HECW1: variants seen among roughly 807,000 people sequenced by gnomAD.
HECW1 encodes HECT, C2 and WW domain containing E3 ubiquitin protein ligase 1, also known as E3 ubiquitin-protein ligase HECW1.
In HECW1, 61 loss-of-function variants were observed where a neutral mutation model predicts 182.3. The observed-to-expected ratio is 0.33, with a 90% confidence interval of 0.27 to 0.41. HECW1 has a LOEUF of 0.41. Ranked by LOEUF, HECW1 falls within the 10% of genes least tolerant of loss-of-function variation. HECW1 has a pLI of 1.00. For missense variants in HECW1, 1,739 were observed against 2,108.9 expected, an observed-to-expected ratio of 0.82 and a Z score of 3.44; for synonymous variants, 859 against 832.6, an observed-to-expected ratio of 1.03 and a Z score of -0.55.
intron 2 of HECW1, among the ~76,000 whole-genome samples, chr7:43,144,154 T>C (rs1788455610): frequency 6.6e-6 from 1 of 152,246 alleles, no homozygotes. Flanking sequence ...TTTTGAAGAA[T>C]GTTCATCAGG....
chr7:43,550,030 A>G (rs2081740621), intron 26 of HECW1, among the ~76,000 whole-genome samples: 1 of 152,078 alleles, frequency 6.6e-6, no homozygotes, highest in Non-Finnish European at 1.5e-5. Flanking sequence ...GTGGCTCCCA[A>G]TACTTTGGAG....
At chr7:43,176,145 A>G (rs1355868984) in intron 2 of HECW1, among the ~76,000 whole-genome samples, 1 of 152,214 alleles carries the variant, frequency 6.6e-6, no homozygotes, top group Non-Finnish European at 1.5e-5. Flanking sequence ...TTTATTTGGT[A>G]AATAATGGCA....
intron 6 of HECW1, among the ~76,000 whole-genome samples, chr7:43,372,511 C>G (rs1562899781): frequency 6.6e-6 from 1 of 152,098 alleles, no homozygotes; most frequent in Non-Finnish European, 1.5e-5. Context: ...AATGCTATCC[C>G]TCCCCGCTCC....
At chr7:43,251,419 C>CCAGCCT (rs1237349624) in intron 3 of HECW1, among the ~76,000 whole-genome samples, 3 of 152,158 alleles carry the variant, frequency 2.0e-5, no homozygotes, top group Admixed American at 1.3e-4. Context: ...AAGCAATTCT[C>CCAGCCT]CAGCCTCAGC....
chr7:43,552,006 C>G (rs955361998), intron 27 of HECW1, among the ~76,000 whole-genome samples: 2 of 152,138 alleles, frequency 1.3e-5, no homozygotes, highest in African/African-American at 4.8e-5. Context: ...ATACGATCCC[C>G]TCAGGGGTGA....
intron 8 of HECW1, among the ~76,000 whole-genome samples, chr7:43,416,785 C>T (rs909910904): frequency 1.3e-4 from 19 of 147,980 alleles, no homozygotes; most frequent in Non-Finnish European, 1.8e-4. Flanking sequence ...GGGAGTGACC[C>T]GATTTTCCAG....
intron 2 of HECW1, chr7:43,118,305 C>T (rs771820551): frequency 6.6e-6 from 1 of 152,640 alleles, no homozygotes; most frequent in Non-Finnish European, 1.5e-5. Context: ...AATTGACATC[C>T]ATTTAACGTG....
chr7:43,304,288 C>T (rs976623320), intron 3 of HECW1, among the ~76,000 whole-genome samples: 3 of 152,082 alleles, frequency 2.0e-5, no homozygotes, highest in South Asian at 2.1e-4. Context: ...GTCCTGCATC[C>T]GGACACCTGA....
chr7:43,463,517 G>A, intron 13 of HECW1, 143 bp from the exon 14 acceptor site: 1 of 710,820 alleles, frequency 1.4e-6, no homozygotes, highest in East Asian at 2.8e-5. Flanking sequence ...AATTGTTCTG[G>A]CTATCTTGTG....
intron 2 of HECW1, among the ~76,000 whole-genome samples, chr7:43,196,193 C>T (rs1794442448): frequency 6.6e-6 from 1 of 152,168 alleles, no homozygotes; most frequent in African/African-American, 2.4e-5. Context: ...TGAAATCCCT[C>T]CTATGACTGA....
At chr7:43,263,549 C>T (rs1372407464) in intron 3 of HECW1, among the ~76,000 whole-genome samples, 5 of 152,096 alleles carry the variant, frequency 3.3e-5, no homozygotes, top group African/African-American at 9.7e-5. Context: ...TCAGTAGAGA[C>T]AGGGTTTCAC....
chr7:43,264,291 G>C (rs968581160), intron 3 of HECW1, among the ~76,000 whole-genome samples: 10 of 152,046 alleles, frequency 6.6e-5, no homozygotes, highest in Non-Finnish European at 1.0e-4. Flanking sequence ...CTGCTTCTGT[G>C]AATTTGACTT....
At chr7:43,280,734 G>A (rs73109083) in intron 3 of HECW1, among the ~76,000 whole-genome samples, 13,982 of 152,026 alleles carry the variant, frequency 0.092, 1,940 homozygotes, top group African/African-American at 0.3. Flanking sequence ...GAAAGAGAAC[G>A]AACACACAAA....
intron 14 of HECW1, 133 bp downstream of exon 14, chr7:43,463,932 G>A: frequency 1.0e-6 from 1 of 995,846 alleles, no homozygotes; most frequent in Non-Finnish European, 1.5e-6. Context: ...CAGGGTGGAG[G>A]ACAGAGGCAT....
At chr7:43,368,839 G>A (rs2152818095) in intron 6 of HECW1, among the ~76,000 whole-genome samples, 1 of 152,220 alleles carries the variant, frequency 6.6e-6, no homozygotes, top group Non-Finnish European at 1.5e-5. Context: ...GAAGCAAAAC[G>A]CCAAATAGCA....
chr7:43,114,714 G>A (rs1784906738), intron 2 of HECW1, among the ~76,000 whole-genome samples: 1 of 149,354 alleles, frequency 6.7e-6, no homozygotes, highest in African/African-American at 2.5e-5. Context: ...TGGCTGCTTT[G>A]TGGAATGACA....
rs144501700 is a variant in HECW1, at chr7:43,135,845, G to A, written c.-32+21454G>A. ...TTCATTTCAACTTGCATTTCATTTC[G>A]TTTGATTTCTGAATTTAAGTTTTTT... On this transcript the variant is annotated intron_variant, in intron 2 of 29. Transcript: ENST00000395891. Among the ~76,000 whole-genome samples, 454 of 151,804 alleles carry A rather than the reference G, an allele frequency of 3.0e-3. 3 individuals are homozygous for A. Among genetic ancestry groups the A allele is most frequent in the African/African-American group, 8.7e-3 (362 of 41,412 alleles).
At chr7:43,384,249 G>A (rs909789522) in intron 6 of HECW1, among the ~76,000 whole-genome samples, 1 of 152,144 alleles carries the variant, frequency 6.6e-6, no homozygotes, top group Non-Finnish European at 1.5e-5. Flanking sequence ...GGTTCTCCAC[G>A]TACCCCCTGG....
intron 24 of HECW1, among the ~76,000 whole-genome samples, chr7:43,539,895 G>A (rs1306063697): frequency 1.3e-5 from 2 of 152,186 alleles, no homozygotes; most frequent in African/African-American, 4.8e-5. Flanking sequence ...GGTCAGTTAT[G>A]GGGTGGTCGG....
Sources: allele counts gnomAD v4.1 joint callset (sites outside exome capture counted in the v4.1 genomes callset), GRCh38; gene constraint gnomAD v4.1.1; transcripts MANE v1.5; gene names NCBI Gene and HGNC (gene_info 2026-07-23, HGNC 2026-07-21).